Variants in SYNE3 observed in about 807,000 individuals in gnomAD.
SYNE3 encodes spectrin repeat containing nuclear envelope family member 3, also known as nesprin-3.
Under a neutral mutation model 111.2 loss-of-function variants are expected in SYNE3, and 100 were observed. The observed-to-expected ratio is 0.90, with a 90% CI of 0.77 to 1.06. The LOEUF (loss-of-function observed/expected upper bound fraction) is 1.06, where lower values mean the gene tolerates loss of function less well. SYNE3 is among the 50% of genes least tolerant of loss of function. SYNE3 has a pLI of 0.00. For synonymous variants in SYNE3, 547 were observed against 533.9 expected, an observed-to-expected ratio of 1.02 and a Z score of -0.34; for missense variants, 1,160 against 1,240.3, an observed-to-expected ratio of 0.94 and a Z score of 0.97.
chr14:95,490,980 G>T (rs1342819608), intron 1 of SYNE3, among the ~76,000 whole-genome samples: 1 of 152,146 alleles, frequency 6.6e-6, no homozygotes. Context: ...CTCAGGCCTG[G>T]GACACAGCTG....
chr14:95,459,296 CAT>C (rs1298863530), intron 4 of SYNE3, among the ~76,000 whole-genome samples: 1 of 152,220 alleles, frequency 6.6e-6, no homozygotes, highest in Non-Finnish European at 1.5e-5. Flanking sequence ...CATTCTAGCT[CAT>C]GCTTATAATC....
Position 95,416,788 on chromosome 14 carries a change from C to G in SYNE3, c.*1038G>C, listed in dbSNP as rs1903594611. ...GATTCTCTCACCTCTGTCCTGGACC[C>G]TCGATCCCTGGCCCCTGGCGTGGCA... On this transcript the variant is annotated 3_prime_UTR_variant, in exon 18 of 18. Coordinates refer to ENST00000682763, the MANE Select transcript of SYNE3 (RefSeq NM_152592.6). The G allele has an allele frequency of 6.6e-6, 1 of 152,352 alleles. No individual in the cohort carries two copies. The highest frequency in any genetic ancestry group is 2.1e-4 in the South Asian group (1 of 4,836). 9.4% of individuals were successfully genotyped at this position (152,352 alleles called of 1,614,324 possible). A position where few individuals can be genotyped will look rare whatever the true frequency, so the allele number is the denominator to read the frequency against.
chr14:95,460,377 T>G (rs1262778230), intron 4 of SYNE3, among the ~76,000 whole-genome samples: 3 of 148,078 alleles, frequency 2.0e-5, no homozygotes, highest in African/African-American at 2.5e-5. Context: ...GTTTTTTTTT[T>G]TTTTTTTTTT....
In SYNE3 at chr14:95,475,851, C is replaced by A. The variant is rs377702800; in HGVS notation, c.-14-16G>T. The A allele has an allele frequency of 2.4e-5, 36 of 1,483,328 alleles. No individual in the cohort carries two copies. Among genetic ancestry groups the A allele is most frequent in the Non-Finnish European group, 3.1e-5 (35 of 1,115,072 alleles). 91.9% of individuals were successfully genotyped at this position (1,483,328 alleles called of 1,614,324 possible). A position where few individuals can be genotyped will look rare whatever the true frequency, so the allele number is the denominator to read the frequency against. ...CCTGCAGGGGCTGAAGAAAGGGCCA[C>A]AGATAAGGCCAACAGGCAGGAATGT... On this transcript the variant is annotated splice_polypyrimidine_tract_variant and intron_variant, in intron 1 of 17. Coordinates refer to ENST00000682763, the MANE Select transcript of SYNE3 (RefSeq NM_152592.6).
intron 17 of SYNE3, chr14:95,429,967 T>TAGGGAAGGAAGGAAGG (rs1885652935): frequency 1.2e-6 from 1 of 852,510 alleles, no homozygotes; most frequent in African/African-American, 2.7e-5. Context: ...CAGTCAGAAC[T>TAGGGAAGGAAGGAAGG]AAGGAAGGAA....
intron 1 of SYNE3, among the ~76,000 whole-genome samples, chr14:95,494,880 A>T (rs1004142581): frequency 1.3e-5 from 2 of 152,002 alleles, no homozygotes; most frequent in Non-Finnish European, 2.9e-5. Context: ...TGGGAGGCTG[A>T]GGTGTGTGGA....
At chr14:95,426,074 G>A (rs569802862) in intron 17 of SYNE3, among the ~76,000 whole-genome samples, 36 of 152,350 alleles carry the variant, frequency 2.4e-4, no homozygotes, top group African/African-American at 8.4e-4. Context: ...GAAGGTGAGT[G>A]ACAGAAAGAC....
intron 17 of SYNE3, among the ~76,000 whole-genome samples, chr14:95,429,080 C>T (rs1242036454): frequency 6.6e-6 from 1 of 152,236 alleles, no homozygotes; most frequent in Admixed American, 6.5e-5. Flanking sequence ...TGCGCATAAC[C>T]ACACAGGCAT....
intron 1 of SYNE3, among the ~76,000 whole-genome samples, chr14:95,482,359 G>T (rs544387055): frequency 6.6e-6 from 1 of 152,162 alleles, no homozygotes; most frequent in Non-Finnish European, 1.5e-5. Context: ...GCTTGAACCC[G>T]GGAGGCAGAG....
intron 1 of SYNE3, among the ~76,000 whole-genome samples, chr14:95,481,532 A>G (rs888033997): frequency 6.6e-5 from 10 of 152,194 alleles, no homozygotes; most frequent in African/African-American, 2.2e-4. Context: ...TAGAGCCCCA[A>G]AGGAGATACA....
At chr14:95,466,958 G>C (rs1328154040) in intron 3 of SYNE3, among the ~76,000 whole-genome samples, 4 of 152,216 alleles carry the variant, frequency 2.6e-5, no homozygotes, top group Non-Finnish European at 5.9e-5. Context: ...ACCCAATGGG[G>C]ACGGAAGGCT....
At chr14:95,505,911 TC>T (rs1890510447) in intron 1 of SYNE3, among the ~76,000 whole-genome samples, 1 of 152,156 alleles carries the variant, frequency 6.6e-6, no homozygotes, top group Non-Finnish European at 1.5e-5. Context: ...ATCCAGAGGT[TC>T]TCAACCATCC....
intron 4 of SYNE3, among the ~76,000 whole-genome samples, chr14:95,464,497 C>T (rs1888038854): frequency 6.6e-6 from 1 of 152,206 alleles, no homozygotes. Context: ...AGGAAATGTG[C>T]ATGTTTTAGC....
In SYNE3 at chr14:95,443,250, C is replaced by G; in HGVS notation, c.1816G>C (p.Glu606Gln). 1 of 1,614,222 alleles carries G rather than the reference C, an allele frequency of 6.2e-7. No individual in the cohort carries two copies. The highest frequency in any genetic ancestry group is 8.5e-7 in the Non-Finnish European group (1 of 1,180,026). ...EEGLDLGAQM[E>Q]AARPLVQENP... The stretch of plus-strand genomic sequence containing the variant: ...TCCTGGACCAGAGGCCTTGCAGCCT[C>G]CATCTGTGCCCCCAAGTCCAGCCCC... The change falls in exon 11 of 18, where the codon GAG becomes CAG. Residue 606 changes from glutamate to glutamine, a missense_variant. By Grantham distance (29) the Glu-to-Gln change is conservative. Transcript: ENST00000682763.
intron 1 of SYNE3, among the ~76,000 whole-genome samples, chr14:95,496,289 A>C (rs897392996): frequency 3.3e-5 from 5 of 152,216 alleles, no homozygotes; most frequent in African/African-American, 1.2e-4. Flanking sequence ...GACAAAGCTC[A>C]ATGTCTCTTT....
intron 1 of SYNE3, among the ~76,000 whole-genome samples, chr14:95,505,111 G>A (rs189708631): frequency 8.5e-4 from 130 of 152,348 alleles, no homozygotes; most frequent in African/African-American, 2.6e-3. Flanking sequence ...CTCCCTTCCC[G>A]CCATGGCTTG....
At position 95,481,868 on chromosome 14, in the gene SYNE3, G is replaced by A. The variant is rs562802352; in HGVS notation, c.-14-6033C>T. 1.1e-3 allele frequency among the ~76,000 whole-genome samples: 167 copies of A among 152,366 alleles called. 4 individuals carry two copies. The South Asian group carries it at 0.014, about 12-fold the overall frequency. On this transcript the variant is annotated intron_variant, in intron 1 of 17. Coordinates refer to ENST00000682763, the MANE Select transcript of SYNE3 (RefSeq NM_152592.6). Reference sequence around the variant, plus strand: ...GGGACCAGGCTTGCAGGAAGGAAAGGATACTGGCACCTGGCACTGAAAAAA... The same window carrying A: ...GGGACCAGGCTTGCAGGAAGGAAAGAATACTGGCACCTGGCACTGAAAAAA...
chr14:95,493,062 T>C (rs112630472), intron 1 of SYNE3, among the ~76,000 whole-genome samples: 3,324 of 152,230 alleles, frequency 0.022, 45 homozygotes, highest in Middle Eastern at 0.044. Context: ...CCTTCAGTGA[T>C]GGGTGGCTCA....
intron 17 of SYNE3, among the ~76,000 whole-genome samples, chr14:95,430,990 A>G (rs927161079): frequency 1.3e-5 from 2 of 152,246 alleles, no homozygotes; most frequent in African/African-American, 4.8e-5. Context: ...TATAGATGTT[A>G]CTTATGACAC....
Sources: gnomAD v4.1 joint callset for allele counts (sites outside exome capture counted in the v4.1 genomes callset) on GRCh38, gnomAD v4.1.1 for gene constraint, MANE v1.5 for transcripts, NCBI Gene and HGNC (gene_info 2026-07-23, HGNC 2026-07-21) for gene names.